Variants in SCN10A observed in about 807,000 individuals in gnomAD.
SCN10A encodes the protein sodium channel protein type 10 subunit alpha.
Under a neutral mutation model 170.7 loss-of-function variants are expected in SCN10A, and 162 were observed. The ratio of observed to expected loss-of-function variants is 0.95; its 90% CI spans 0.84 to 1.08. The LOEUF (loss-of-function observed/expected upper bound fraction) is 1.08. Ranked by LOEUF, SCN10A falls within the 50% of genes least tolerant of loss-of-function variation. The pLI, the probability that SCN10A is intolerant of heterozygous loss-of-function variation, is 0.00. For synonymous variants in SCN10A, 985 were observed against 904.6 expected, an observed-to-expected ratio of 1.09 and a Z score of -1.59; for missense variants, 2,527 against 2,436.9, an observed-to-expected ratio of 1.04 and a Z score of -0.78.
chr3:38,757,921 C>G (rs1359165219), intron 8 of SCN10A, among the ~76,000 whole-genome samples: 1 of 152,212 alleles, frequency 6.6e-6, no homozygotes, highest in African/African-American at 2.4e-5. Flanking sequence ...CAAGAAGCAT[C>G]TGTCAGCTCA....
intron 12 of SCN10A, among the ~76,000 whole-genome samples, chr3:38,751,216 CT>C (rs1392809606): frequency 6.6e-6 from 1 of 152,216 alleles, no homozygotes; most frequent in African/African-American, 2.4e-5. Flanking sequence ...CAGGCAGCCT[CT>C]CTGACACATG....
intron 14 of SCN10A, 65 bp from the exon 15 acceptor site, chr3:38,739,753 G>A (rs1446633459): frequency 1.1e-5 from 14 of 1,313,318 alleles, no homozygotes; most frequent in East Asian, 9.4e-5. Context: ...GATAAAAATG[G>A]CAGCAAGAAA....
intron 8 of SCN10A, among the ~76,000 whole-genome samples, chr3:38,757,948 C>T (rs1408074528): frequency 6.6e-6 from 1 of 152,208 alleles, no homozygotes; most frequent in African/African-American, 2.4e-5. Context: ...GTAAAGTGCT[C>T]TCATCCACCC....
intron 11 of SCN10A, among the ~76,000 whole-genome samples, chr3:38,753,822 T>C (rs993797994): frequency 6.6e-6 from 1 of 152,214 alleles, no homozygotes; most frequent in African/African-American, 2.4e-5. Flanking sequence ...TTTTGACAAA[T>C]GGTGGGCAAT....
At chr3:38,733,684 T>G (rs1477921500) in intron 15 of SCN10A, among the ~76,000 whole-genome samples, 1 of 152,040 alleles carries the variant, frequency 6.6e-6, no homozygotes. Flanking sequence ...CCCAGCTAAT[T>G]TCTTTCCTTT....
At chr3:38,776,714 A>G (rs1045120745) in intron 4 of SCN10A, among the ~76,000 whole-genome samples, 3 of 152,122 alleles carry the variant, frequency 2.0e-5, no homozygotes, top group Admixed American at 1.3e-4. Flanking sequence ...TCTGCTAAAC[A>G]AAGTAAGAAT....
chr3:38,757,080 A>G lies in SCN10A; in HGVS notation c.1030T>C (p.Trp344Arg). ...FNYTSFDSFA[W>R]AFLSLFRLMT... ...AGGCGGAACAGTGAGAGGAAAGCCC[A>G]AGCAAAGGAATCAAAGCTGGTGTAG... The change falls in exon 9 of 28, where the codon TGG (tryptophan) becomes CGG (arginine). Residue 344 changes from tryptophan (W) to arginine (R), a missense_variant. Transcript: ENST00000449082. 1.2e-6 allele frequency: 2 copies of G among 1,613,946 alleles called. No homozygotes were observed. Among genetic ancestry groups the G allele is most frequent in the Non-Finnish European group, 1.7e-6 (2 of 1,179,920 alleles).
At chr3:38,772,931 G>A (rs1323322479) in intron 4 of SCN10A, among the ~76,000 whole-genome samples, 2 of 152,118 alleles carry the variant, frequency 1.3e-5, no homozygotes, top group Non-Finnish European at 2.9e-5. Flanking sequence ...CTCACAGGAA[G>A]TGGAACAAAA....
intron 4 of SCN10A, among the ~76,000 whole-genome samples, chr3:38,788,703 T>C (rs1009245049): frequency 1.3e-5 from 2 of 152,050 alleles, no homozygotes; most frequent in African/African-American, 4.8e-5. Flanking sequence ...TTAAAAAATC[T>C]CCCCAAAAAT....
intron 15 of SCN10A, among the ~76,000 whole-genome samples, chr3:38,731,373 G>A (rs13096893): frequency 0.24 from 37,152 of 152,120 alleles, 4,720 homozygotes; most frequent in African/African-American, 0.28. Flanking sequence ...GATCCCAGAA[G>A]TAATATGTAA....
chr3:38,792,299 GA>G, intron 2 of SCN10A, 131 bp from the exon 3 acceptor site: 1 of 1,162,020 alleles, frequency 8.6e-7, no homozygotes, highest in South Asian at 1.5e-5. Context: ...ACAGGTCAAT[GA>G]GAGTCAAATG....
rs112412281 is a variant in SCN10A at position 38,722,344 on chromosome 3, C to T, written c.3421G>A (p.Val1141Met). ...ACGATACGGTAGCAAGTCTTGCGCA[C>T]CTGCCAGCCCACATCCCATGGACTC... ...TKSPWDVGWQ[V>M]RKTCYRIVEH... is the part of the protein sequence containing the mutation. Residue 1141 changes from valine (V) to methionine (M), a missense_variant, in exon 20 of 28, where the codon GTG (valine) becomes ATG (methionine). By Grantham distance (21) the Val-to-Met change is conservative. Coordinates refer to ENST00000449082, the MANE Select transcript of SCN10A (RefSeq NM_006514.4). 33 of 1,614,136 alleles carry T rather than the reference C, an allele frequency of 2.0e-5. No homozygotes were observed. The African/African-American group carries it at 2.3e-4, about 11-fold the overall frequency.
chr3:38,709,666 G>T, intron 24 of SCN10A, 51 bp from the exon 25 acceptor site: 1 of 1,492,900 alleles, frequency 6.7e-7, no homozygotes, highest in South Asian at 1.4e-5. Context: ...CTTAGTTCAG[G>T]TTCACTCTGA....
intron 3 of SCN10A, among the ~76,000 whole-genome samples, chr3:38,789,460 C>T (rs899104836): frequency 2.0e-5 from 3 of 152,038 alleles, no homozygotes; most frequent in Non-Finnish European, 4.4e-5. Flanking sequence ...TACAAAATGG[C>T]CTGAAATTTC....
chr3:38,728,534 C>T lies in SCN10A; in HGVS notation c.2640+8G>A, dbSNP rs769475897. ...GAGACAGTGCCCCCAGCAGGGTTCA[C>T]CACTCACCACCAGGTTCCCTAGCAC... is the stretch of plus-strand genomic sequence containing the variant. On this transcript the variant is annotated splice_region_variant and intron_variant, in intron 16 of 27. Transcript: ENST00000449082. 15 of 1,569,796 alleles carry T rather than the reference C, an allele frequency of 9.6e-6. No homozygotes were observed. The highest frequency in any genetic ancestry group is 1.2e-5 in the Non-Finnish European group (14 of 1,154,558).
At chr3:38,807,189 A>G (rs1673875114) in intron 1 of SCN10A, among the ~76,000 whole-genome samples, 1 of 152,196 alleles carries the variant, frequency 6.6e-6, no homozygotes, top group African/African-American at 2.4e-5. Context: ...TTGATTCAGG[A>G]AGAATACTAA....
intron 6 of SCN10A, among the ~76,000 whole-genome samples, chr3:38,762,756 C>A (rs577369950): frequency 1.3e-5 from 2 of 152,216 alleles, no homozygotes; most frequent in East Asian, 3.9e-4. Context: ...CCCTGCAGAG[C>A]CAGACAAGAA....
intron 14 of SCN10A, among the ~76,000 whole-genome samples, chr3:38,741,243 A>T (rs1194136721): frequency 6.6e-6 from 1 of 151,876 alleles, no homozygotes; most frequent in Non-Finnish European, 1.5e-5. Context: ...TGAAGGCAGG[A>T]TGCTGACCCT....
rs1553619550 is a variant in SCN10A at position 38,746,063 on chromosome 3, GTATATATATATATATATA to G, written c.1868-3552_1868-3535del. On this transcript the variant is annotated intron_variant, in intron 13 of 27. Coordinates refer to ENST00000449082, the MANE Select transcript of SCN10A (RefSeq NM_006514.4). Reference sequence around the variant, plus strand: ...TACATATATATATGTGTGTGTATGTGTATATATATATATATATATATATATATATATATATATGCCATC... The same window carrying G: ...TACATATATATATGTGTGTGTATGTGTATATATATATATATATATGCCATC... 2.0e-3 allele frequency among the ~76,000 whole-genome samples: 125 copies of G among 61,672 alleles called. 6 individuals carry two copies. Among genetic ancestry groups the G allele is most frequent in the Middle Eastern group, 0.026 (2 of 78 alleles). The allele number at this position is 61,672 out of a possible 152,430, so 40.5% of individuals were successfully genotyped here.
Sources: allele counts gnomAD v4.1 joint callset (sites outside exome capture counted in the v4.1 genomes callset), GRCh38; gene constraint gnomAD v4.1.1; transcripts MANE v1.5; gene names NCBI Gene and HGNC (gene_info 2026-07-23, HGNC 2026-07-21).